LASP1: variants seen among roughly 807,000 people sequenced by gnomAD.
LASP1 encodes the protein LIM and SH3 protein 1, also known as LIM and SH3 domain protein 1.
A neutral mutation model predicts 38.6 loss-of-function variants in LASP1; 10 were observed. The observed-to-expected ratio is 0.26, with a 90% CI of 0.16 to 0.44. The LOEUF (loss-of-function observed/expected upper bound fraction) is 0.44. LASP1 is among the 20% of genes least tolerant of loss of function. LASP1 has a pLI of 1.00. For missense variants in LASP1, 243 were observed against 375.7 expected, an observed-to-expected ratio of 0.65 and a Z score of 2.92; for synonymous variants, 132 against 140.8, an observed-to-expected ratio of 0.94 and a Z score of 0.44.
chr17:38,898,820 C>T (rs544169280), intron 4 of LASP1: 6 of 491,066 alleles, frequency 1.2e-5, no homozygotes, highest in East Asian at 5.3e-5. Flanking sequence ...TCGTGGGTAT[C>T]GGTGAAGACT....
intron 1 of LASP1, among the ~76,000 whole-genome samples, chr17:38,876,470 C>T (rs1328242915): frequency 6.6e-6 from 1 of 151,972 alleles, no homozygotes; most frequent in African/African-American, 2.4e-5. Flanking sequence ...AAGCGATTCT[C>T]CTGCCTCAGC....
chr17:38,880,259 G>A (rs952848942), intron 2 of LASP1, among the ~76,000 whole-genome samples: 3 of 152,226 alleles, frequency 2.0e-5, no homozygotes, highest in African/African-American at 7.2e-5. Flanking sequence ...GTGAGCACTG[G>A]GAGCTGGAGA....
chr17:38,918,494 GTT>G lies in LASP1; in HGVS notation c.613-110_613-109del. On this transcript the variant is annotated intron_variant, in intron 6 of 6. Transcript: ENST00000318008. The surrounding 1 kb of genome is among the most constrained non-coding windows in gnomAD (Gnocchi z 4.4). ...GCAGAGCCTGGTGCTCCATTTCTGA[GTT>G]CACTGCTCCCCCAGGCTCTGCTCCA... The G allele has an allele frequency of 9.2e-7, 1 of 1,082,552 alleles. No individual in the cohort carries two copies. Among genetic ancestry groups the G allele is most frequent in the Non-Finnish European group, 1.3e-6 (1 of 750,748 alleles). 67.1% of individuals were successfully genotyped at this position (1,082,552 alleles called of 1,614,324 possible).
At position 38,914,374 on chromosome 17, in the gene LASP1, G is replaced by T; in HGVS notation, c.407G>T (p.Gly136Val). ...AAGAGCCGCATGGGCCCTAGCGGGG[G>T]CGAGGGCATGGAGCCAGAGCGTCGG... ...FEKSRMGPSG[G>V]EGMEPERRDS... The change falls in exon 5 of 7, where the codon GGC (glycine) becomes GTC (valine). Residue 136 changes from glycine to valine, a missense_variant. Physicochemically the swap from Gly to Val is moderately radical, Grantham distance 109. Around this residue, in one of 4 missense-constraint regions of LASP1, gnomAD observed 165 missense variants for 210.3 expected, o/e 0.78. Coordinates refer to ENST00000318008, the MANE Select transcript of LASP1 (RefSeq NM_006148.4). 6.2e-7 allele frequency: 1 copy of T among 1,612,230 alleles called. No homozygotes were observed. Among genetic ancestry groups the T allele is most frequent in the Admixed American group, 1.7e-5 (1 of 59,984 alleles).
intron 3 of LASP1, among the ~76,000 whole-genome samples, chr17:38,892,065 G>C (rs61512769): frequency 0.036 from 5,512 of 152,272 alleles, 373 homozygotes; most frequent in African/African-American, 0.13. Context: ...CTCCAGCCTG[G>C]GTGATGGGGT....
chr17:38,908,337 C>T (rs1442874622), intron 4 of LASP1, among the ~76,000 whole-genome samples: 1 of 152,246 alleles, frequency 6.6e-6, no homozygotes, highest in Admixed American at 6.5e-5. Flanking sequence ...GTTGGAAGGG[C>T]AGGTGCCTCG....
In LASP1 at chr17:38,921,096, C is replaced by G. The variant is rs1235776228; in HGVS notation, c.*2318C>G. 4.3e-6 allele frequency: 1 copy of G among 230,126 alleles called. No homozygotes were observed. The highest frequency in any genetic ancestry group is 2.2e-5 in the African/African-American group (1 of 45,126). 14.3% of individuals were successfully genotyped at this position (230,126 alleles called of 1,614,324 possible). ...TACACACCCCCAGAGAGAGGAGGGA[C>G]TGTCACACTGGTGCTGAGTGACCGG... On this transcript the variant is annotated 3_prime_UTR_variant, in exon 7 of 7. Coordinates refer to ENST00000318008, the MANE Select transcript of LASP1 (RefSeq NM_006148.4).
chr17:38,875,185 A>T (rs1430452168), intron 1 of LASP1, among the ~76,000 whole-genome samples: 1 of 151,872 alleles, frequency 6.6e-6, no homozygotes, highest in Non-Finnish European at 1.5e-5. Flanking sequence ...GGGCCTAGGC[A>T]GGGGCCTGTG....
At chr17:38,890,266 C>A (rs1013109296) in intron 2 of LASP1, 154 bp from the exon 3 acceptor site, 6 of 635,940 alleles carry the variant, frequency 9.4e-6, no homozygotes, top group Non-Finnish European at 1.4e-5. Flanking sequence ...CTCCCCTCGG[C>A]CTTGGTGGTG....
chr17:38,874,479 C>T (rs1913702110), intron 1 of LASP1, among the ~76,000 whole-genome samples: 1 of 152,122 alleles, frequency 6.6e-6, no homozygotes, highest in Admixed American at 6.5e-5. Context: ...ATTTTCCTAC[C>T]CCAAAAAGGA....
chr17:38,881,616 C>T (rs1407205379), intron 2 of LASP1, among the ~76,000 whole-genome samples: 1 of 152,178 alleles, frequency 6.6e-6, no homozygotes, highest in East Asian at 1.9e-4. Flanking sequence ...CTGTTCTGGT[C>T]TTGCTTTGTG....
In LASP1 at chr17:38,920,976, T is replaced by G. The variant is rs1915283009; in HGVS notation, c.*2198T>G. 1 of 232,308 alleles carries G rather than the reference T, an allele frequency of 4.3e-6. No homozygotes were observed. Among genetic ancestry groups the G allele is most frequent in the African/African-American group, 2.2e-5 (1 of 45,238 alleles). 14.4% of individuals were successfully genotyped at this position (232,308 alleles called of 1,614,324 possible). The stretch of plus-strand genomic sequence containing the variant: ...AAGAAGCAGCCTGTTTTCACTCAGC[T>G]TAATTCTCCTTCCCAGATAAGGCAA... On this transcript the variant is annotated 3_prime_UTR_variant, in exon 7 of 7. Coordinates refer to ENST00000318008, the MANE Select transcript of LASP1 (RefSeq NM_006148.4).
chr17:38,908,761 G>C (rs1188053062), intron 4 of LASP1, among the ~76,000 whole-genome samples: 1 of 152,262 alleles, frequency 6.6e-6, no homozygotes, highest in Non-Finnish European at 1.5e-5. Flanking sequence ...ACTATTGGCT[G>C]TTCAGCCAGC....
intron 2 of LASP1, among the ~76,000 whole-genome samples, chr17:38,881,096 A>C (rs1382702942): frequency 1.3e-5 from 2 of 151,836 alleles, no homozygotes; most frequent in Non-Finnish European, 2.9e-5. Flanking sequence ...GCGAGACTCC[A>C]TCTCAAAACA....
chr17:38,910,522 G>A (rs1389569563), intron 4 of LASP1, among the ~76,000 whole-genome samples: 1 of 151,966 alleles, frequency 6.6e-6, no homozygotes, highest in Non-Finnish European at 1.5e-5. Context: ...GCTGTGGGCT[G>A]GATTTGGTCC....
Position 38,914,402 on chromosome 17 carries a change from TTCACAGGAC to T in LASP1, c.436_444del (p.Ser146_Asp148del), listed in dbSNP as rs1567705675. The T allele has an allele frequency of 6.2e-7, 1 of 1,611,964 alleles. No individual in the cohort carries two copies. The highest frequency in any genetic ancestry group is 1.3e-5 in the African/African-American group (1 of 74,938). ...AGGGCATGGAGCCAGAGCGTCGGGA[TTCACAGGAC>T]GGCAGCAGCTACCGGCGGCCCCTGG... On this transcript the variant is annotated inframe_deletion, in exon 5 of 7. Transcript: ENST00000318008.
chr17:38,893,896 C>T (rs538856157), intron 3 of LASP1, among the ~76,000 whole-genome samples: 49 of 152,374 alleles, frequency 3.2e-4, no homozygotes, highest in Non-Finnish European at 5.4e-4. Context: ...CTTCACCCCA[C>T]GGGGTCAGCT....
chr17:38,912,453 C>T (rs1914983202), intron 4 of LASP1, among the ~76,000 whole-genome samples: 1 of 151,634 alleles, frequency 6.6e-6, no homozygotes, highest in Non-Finnish European at 1.5e-5. Context: ...CAGGGTAGGG[C>T]CAGGGTGCCG....
chr17:38,897,888 G>T (rs928995655), intron 3 of LASP1, among the ~76,000 whole-genome samples: 2 of 152,234 alleles, frequency 1.3e-5, no homozygotes, highest in Non-Finnish European at 2.9e-5. Context: ...CCCAGGCGTA[G>T]TGGGCAGGGC....
Sources: gnomAD v4.1 joint callset for allele counts (sites outside exome capture counted in the v4.1 genomes callset) on GRCh38, gnomAD v4.1.1 for gene constraint, gnomAD v4.1.1 regional missense constraint, Gnocchi (gnomAD v3.1) non-coding constraint, MANE v1.5 for transcripts, NCBI Gene and HGNC (gene_info 2026-07-23, HGNC 2026-07-21) for gene names.